ITGBL1: variants seen among roughly 807,000 people sequenced by gnomAD.
The protein encoded by ITGBL1 is integrin subunit beta like 1, also known as integrin beta-like protein 1.
A neutral mutation model predicts 68.5 loss-of-function variants in ITGBL1; 51 were observed. The ratio of observed to expected loss-of-function variants is 0.74; its 90% confidence interval spans 0.59 to 0.94. The LOEUF is 0.94. ITGBL1 is among the 40% of genes least tolerant of loss of function. The pLI, the probability that ITGBL1 is intolerant of heterozygous loss-of-function variation, is 0.00. For synonymous variants in ITGBL1, 209 were observed against 227.3 expected (o/e 0.92, Z 0.72); for missense variants, 649 against 647.4 (o/e 1.00, Z -0.03).
intron 6 of ITGBL1, among the ~76,000 whole-genome samples, chr13:101,597,711 C>G (rs184373142): frequency 1.3e-5 from 2 of 152,148 alleles, no homozygotes; most frequent in Admixed American, 6.5e-5. Context: ...CGCCACCATG[C>G]CTGGCTAATT....
intron 7 of ITGBL1, among the ~76,000 whole-genome samples, chr13:101,636,119 T>C (rs867862761): frequency 6.6e-6 from 1 of 152,134 alleles, no homozygotes; most frequent in African/African-American, 2.4e-5. Context: ...CAATACACTT[T>C]TGAGTTTTCA....
chr13:101,608,443 C>T (rs192280092), intron 7 of ITGBL1, among the ~76,000 whole-genome samples: 1 of 149,644 alleles, frequency 6.7e-6, no homozygotes, highest in East Asian at 2.0e-4. Context: ...CATTACCTTT[C>T]TTATTCATGT....
chr13:101,589,291 A>T (rs115253573), intron 6 of ITGBL1, among the ~76,000 whole-genome samples: 2 of 152,168 alleles, frequency 1.3e-5, no homozygotes, highest in African/African-American at 2.4e-5. Flanking sequence ...GATATACAGT[A>T]AGATATCTTG....
intron 6 of ITGBL1, among the ~76,000 whole-genome samples, chr13:101,588,934 C>T (rs2050605430): frequency 1.3e-5 from 2 of 152,208 alleles, no homozygotes; most frequent in East Asian, 1.9e-4. Flanking sequence ...CTGAAAAGCC[C>T]AATACCTGCC....
At chr13:101,698,324 T>C (rs896183225) in intron 8 of ITGBL1, among the ~76,000 whole-genome samples, 2 of 152,186 alleles carry the variant, frequency 1.3e-5, no homozygotes, top group African/African-American at 2.4e-5. Context: ...GCATGAGCAC[T>C]AAGAGCCAAT....
At chr13:101,481,753 CT>C (rs1220383346) in intron 2 of ITGBL1, among the ~76,000 whole-genome samples, 1 of 151,984 alleles carries the variant, frequency 6.6e-6, no homozygotes, top group African/African-American at 2.4e-5. Context: ...GCAAGATTTT[CT>C]TTTTATTTTG....
chr13:101,647,241 C>A (rs1478617272), intron 7 of ITGBL1, among the ~76,000 whole-genome samples: 2 of 152,062 alleles, frequency 1.3e-5, no homozygotes, highest in Non-Finnish European at 2.9e-5. Flanking sequence ...AATTAATTAA[C>A]CTCAAGCAAG....
At chr13:101,588,183 G>A (rs1467694285) in intron 6 of ITGBL1, among the ~76,000 whole-genome samples, 1 of 152,076 alleles carries the variant, frequency 6.6e-6, no homozygotes, top group East Asian at 1.9e-4. Context: ...CATGGCCTTT[G>A]GACCACTCAA....
At chr13:101,688,931 G>T (rs2033816763) in intron 7 of ITGBL1, among the ~76,000 whole-genome samples, 1 of 151,976 alleles carries the variant, frequency 6.6e-6, no homozygotes, top group African/African-American at 2.4e-5. Flanking sequence ...GGGCATAGTG[G>T]CTCACACCTG....
chr13:101,504,936 AG>A (rs1295879295), intron 2 of ITGBL1, among the ~76,000 whole-genome samples: 1 of 152,210 alleles, frequency 6.6e-6, no homozygotes, highest in Non-Finnish European at 1.5e-5. Flanking sequence ...TTGTACAATT[AG>A]GGATAATTCT....
intron 7 of ITGBL1, among the ~76,000 whole-genome samples, chr13:101,667,366 C>T (rs2033246927): frequency 6.6e-6 from 1 of 151,860 alleles, no homozygotes; most frequent in South Asian, 2.1e-4. Context: ...CTCTCTGCTG[C>T]AATTGTTCTT....
chr13:101,515,588 T>C (rs148894864), intron 2 of ITGBL1, among the ~76,000 whole-genome samples: 1,604 of 152,250 alleles, frequency 0.011, 23 homozygotes, highest in African/African-American at 0.036. Flanking sequence ...TTTTTCTTTT[T>C]CTTTCATTGA....
chr13:101,610,508 C>T (rs1176869350), intron 7 of ITGBL1, among the ~76,000 whole-genome samples: 5 of 152,160 alleles, frequency 3.3e-5, no homozygotes, highest in Non-Finnish European at 7.3e-5. Context: ...AACGATGTTG[C>T]TTATCATAAT....
chr13:101,644,951 C>A (rs1230128422), intron 7 of ITGBL1, among the ~76,000 whole-genome samples: 1 of 152,088 alleles, frequency 6.6e-6, no homozygotes, highest in African/African-American at 2.4e-5. Flanking sequence ...TGAATGTCAT[C>A]AAAATAAGCA....
intron 7 of ITGBL1, among the ~76,000 whole-genome samples, chr13:101,630,919 T>G (rs2031957412): frequency 6.6e-6 from 1 of 152,232 alleles, no homozygotes; most frequent in African/African-American, 2.4e-5. Flanking sequence ...CTTCTTTTAG[T>G]GTTTCTGCTA....
intron 2 of ITGBL1, among the ~76,000 whole-genome samples, chr13:101,483,227 G>A (rs1424266329): frequency 6.6e-6 from 1 of 152,194 alleles, no homozygotes; most frequent in Non-Finnish European, 1.5e-5. Context: ...ATGTTCCTGG[G>A]TAGCCTGACT....
intron 6 of ITGBL1, among the ~76,000 whole-genome samples, chr13:101,593,862 A>G (rs2050698926): frequency 6.6e-6 from 1 of 152,054 alleles, no homozygotes; most frequent in Admixed American, 6.6e-5. Context: ...GAGGACAGTT[A>G]ACAGTAAGAT....
chr13:101,591,402 A>C (rs1312515169), intron 6 of ITGBL1, among the ~76,000 whole-genome samples: 2 of 152,230 alleles, frequency 1.3e-5, no homozygotes, highest in Non-Finnish European at 2.9e-5. Flanking sequence ...TAATTATGGC[A>C]ACAATTTGTC....
At chr13:101,595,438 A>G (rs2029901872) in intron 6 of ITGBL1, among the ~76,000 whole-genome samples, 1 of 152,120 alleles carries the variant, frequency 6.6e-6, no homozygotes, top group African/African-American at 2.4e-5. Flanking sequence ...TGGGGATTGC[A>G]TTTCCACGTG....
Sources: allele counts gnomAD v4.1 joint callset (sites outside exome capture counted in the v4.1 genomes callset), GRCh38; gene constraint gnomAD v4.1.1; transcripts MANE v1.5; gene names NCBI Gene and HGNC (gene_info 2026-07-23, HGNC 2026-07-21).